SLC23A2: variants seen among roughly 807,000 people sequenced by gnomAD.
SLC23A2 encodes the protein solute carrier family 23 member 2.
A neutral mutation model predicts 73.3 loss-of-function variants in SLC23A2; 36 were observed. The observed-to-expected ratio is 0.49, with a 90% CI of 0.38 to 0.65. The LOEUF is 0.65. Among genes scored for constraint, SLC23A2 ranks in the 30% least tolerant of loss-of-function variants. The probability of loss-of-function intolerance (pLI) is 0.00; values close to 1 mark genes in which losing one functional copy is unlikely to be tolerated. For synonymous variants in SLC23A2, 343 were observed against 327.3 expected, an observed-to-expected ratio of 1.05 and a Z score of -0.52; for missense variants, 507 against 841.6, an observed-to-expected ratio of 0.60 and a Z score of 4.92.
intron 3 of SLC23A2, among the ~76,000 whole-genome samples, chr20:4,926,939 T>C (rs775127207): frequency 6.6e-6 from 1 of 152,046 alleles, no homozygotes. Context: ...AGCCTGGTTC[T>C]CAGCAACGGC....
At chr20:4,889,156 C>T (rs1028234076) in intron 6 of SLC23A2, among the ~76,000 whole-genome samples, 5 of 152,074 alleles carry the variant, frequency 3.3e-5, no homozygotes, top group African/African-American at 4.8e-5. Flanking sequence ...CGTGATGTGA[C>T]GGTGTGAAAT....
Position 4,971,299 on chromosome 20 carries a change from AACACACACACAC to A in SLC23A2, c.-281-392_-281-381del, listed in dbSNP as rs35758430. Among the ~76,000 whole-genome samples the A allele has an allele frequency of 9.9e-3, 1,412 of 142,508 alleles. 22 individuals are homozygous for A. The highest frequency in any genetic ancestry group is 0.013 in the Non-Finnish European group (823 of 65,252). 93.5% of individuals were successfully genotyped at this position (142,508 alleles called of 152,430 possible). ...CTGAGCAATAGGGTGGTCTCTACAA[AACACACACACAC>A]ACACACACACACACACACACACAAA... On this transcript the variant is annotated intron_variant, in intron 1 of 16. Transcript: ENST00000338244.
intron 13 of SLC23A2, among the ~76,000 whole-genome samples, chr20:4,867,512 CAG>C (rs1930251256): frequency 6.6e-6 from 1 of 151,604 alleles, no homozygotes; most frequent in South Asian, 2.1e-4. Flanking sequence ...AGTGGCCTGG[CAG>C]AGTCAGTGCT....
chr20:4,929,495 C>T (rs1932761957), intron 3 of SLC23A2, among the ~76,000 whole-genome samples: 1 of 152,088 alleles, frequency 6.6e-6, no homozygotes, highest in Admixed American at 6.5e-5. Flanking sequence ...TGCCTCTGGA[C>T]TGGATCCATA....
At chr20:4,904,949 A>G (rs1353039386) in intron 4 of SLC23A2, among the ~76,000 whole-genome samples, 2 of 152,060 alleles carry the variant, frequency 1.3e-5, no homozygotes, top group Non-Finnish European at 2.9e-5. Context: ...CCCTGTCTCT[A>G]CTAAAAATAC....
At chr20:4,916,553 A>T (rs1328784527) in intron 3 of SLC23A2, among the ~76,000 whole-genome samples, 2 of 152,112 alleles carry the variant, frequency 1.3e-5, no homozygotes, top group Admixed American at 6.5e-5. Context: ...TCGATACATT[A>T]AAAAAAATCA....
At chr20:4,939,882 A>G (rs1337092315) in intron 2 of SLC23A2, among the ~76,000 whole-genome samples, 1 of 152,254 alleles carries the variant, frequency 6.6e-6, no homozygotes, top group Non-Finnish European at 1.5e-5. Context: ...TTGAAAAACC[A>G]AAGAAACAGA....
At chr20:4,874,198 G>T in intron 10 of SLC23A2, 106 bp from the exon 11 acceptor site, 1 of 1,066,088 alleles carries the variant, frequency 9.4e-7, no homozygotes, top group Non-Finnish European at 1.4e-6. Flanking sequence ...GCCCACCACA[G>T]TCAGTACTTT....
intron 6 of SLC23A2, among the ~76,000 whole-genome samples, chr20:4,895,901 C>T (rs886466996): frequency 6.6e-6 from 1 of 152,178 alleles, no homozygotes; most frequent in Admixed American, 6.5e-5. Flanking sequence ...TGGATGGGAA[C>T]AGCGCATATG....
chr20:4,897,061 C>A (rs1376201637), intron 6 of SLC23A2, among the ~76,000 whole-genome samples: 1 of 152,220 alleles, frequency 6.6e-6, no homozygotes, highest in Non-Finnish European at 1.5e-5. Flanking sequence ...GATGGCGCTG[C>A]CCTTCGTGCT....
upstream of SLC23A2, among the ~76,000 whole-genome samples, chr20:5,002,171 A>G (rs1323277389): frequency 6.6e-6 from 1 of 152,144 alleles, no homozygotes; most frequent in Non-Finnish European, 1.5e-5. Context: ...CTAAGCAGAA[A>G]GGCCAAGTGT....
chr20:4,875,500 C>A (rs976355166), intron 9 of SLC23A2, among the ~76,000 whole-genome samples: 6 of 152,212 alleles, frequency 3.9e-5, no homozygotes, highest in Admixed American at 3.3e-4. Flanking sequence ...GAACTGAACT[C>A]TTTCCTTTTG....
rs182898028 is a variant in SLC23A2 at position 4,985,937 on chromosome 20, C to T, written c.-281-15018G>A. Among the ~76,000 whole-genome samples, 1,285 of 152,240 alleles carry T rather than the reference C, an allele frequency of 8.4e-3. 48 individuals are homozygous for T. In the South Asian group the frequency reaches 0.14, roughly 16 times the overall value. On this transcript the variant is annotated intron_variant, in intron 1 of 16. Transcript: ENST00000338244. ...CAACTACTGAAGCATATCCTTTAAA[C>T]AACTGAATTTTATGTAAATTATCTC...
intron 4 of SLC23A2, among the ~76,000 whole-genome samples, chr20:4,905,603 G>T (rs1600119122): frequency 6.6e-6 from 1 of 152,214 alleles, no homozygotes; most frequent in East Asian, 1.9e-4. Context: ...AACTCAGAAC[G>T]CTGTTCTCTG....
intron 2 of SLC23A2, among the ~76,000 whole-genome samples, chr20:4,937,258 T>C (rs2086974395): frequency 6.6e-6 from 1 of 152,082 alleles, no homozygotes; most frequent in Non-Finnish European, 1.5e-5. Context: ...TTAACTTCTG[T>C]ATTAAAACAA....
rs141510603 is a variant in SLC23A2, at chr20:4,950,057, C to T, written c.-154-17341G>A. On this transcript the variant is annotated intron_variant, in intron 2 of 16. Transcript: ENST00000338244. ...CTCATTAGAAATGCTATTTGTGTTA[C>T]ACAACAGCCACCACCCGGTTACAAA... is the stretch of plus-strand genomic sequence containing the variant. Among the ~76,000 whole-genome samples, 4 of 152,310 alleles carry T rather than the reference C, an allele frequency of 2.6e-5. No individual in the cohort carries two copies. The East Asian group carries it at 7.7e-4, about 29-fold the overall frequency.
intron 12 of SLC23A2, 119 bp from the exon 13 acceptor site, chr20:4,867,994 CT>C: frequency 1.7e-6 from 1 of 576,170 alleles, no homozygotes; most frequent in Non-Finnish European, 3.0e-6. Context: ...GCTTCCACAT[CT>C]CCTGGGAGCT....
chr20:4,969,580 CTTT>C (rs1201990553), intron 2 of SLC23A2, among the ~76,000 whole-genome samples: 1,790 of 137,284 alleles, frequency 0.013, 29 homozygotes, highest in African/African-American at 0.046. Flanking sequence ...TGACAGCATC[CTTT>C]TTTTTTTTTT....
chr20:4,913,091 GAAACA>G, intron 3 of SLC23A2, 113 bp from the exon 4 acceptor site: 1 of 733,082 alleles, frequency 1.4e-6, no homozygotes, highest in Non-Finnish European at 2.4e-6. Context: ...TTTTGATGGA[GAAACA>G]TACTCCATGT....
Sources: allele counts gnomAD v4.1 joint callset (sites outside exome capture counted in the v4.1 genomes callset), GRCh38; gene constraint gnomAD v4.1.1; transcripts MANE v1.5; gene names NCBI Gene and HGNC (gene_info 2026-07-23, HGNC 2026-07-21).